RP1: variants seen among roughly 807,000 people sequenced by gnomAD.
RP1 encodes the protein oxygen-regulated protein 1.
A neutral mutation model predicts 14.8 loss-of-function variants in RP1; 16 were observed. That is an observed-to-expected ratio of 1.08 (90% CI 0.73 to 1.65). RP1 has a LOEUF of 1.65. Among genes scored for constraint, RP1 ranks in the 40% most tolerant of loss-of-function variants. The probability of loss-of-function intolerance (pLI) is 0.00; values close to 1 mark genes in which losing one functional copy is unlikely to be tolerated. For missense variants in RP1, 2,631 were observed against 2,535.0 expected, an observed-to-expected ratio of 1.04 and a Z score of -0.81; for synonymous variants, 876 against 883.6, an observed-to-expected ratio of 0.99 and a Z score of 0.15.
upstream of RP1, among the ~76,000 whole-genome samples, chr8:54,612,620 CCTTGGAAGTGTGAGATCATTA>C (rs1805624529): frequency 6.6e-6 from 1 of 152,180 alleles, no homozygotes; most frequent in South Asian, 2.1e-4. Flanking sequence ...TCAAAGTAAT[CCTTGGAAGTGTGAGATCATTA>C]CTTCTCTTCT....
intron 25 of RP1, among the ~76,000 whole-genome samples, chr8:54,846,733 C>T (rs569147750): frequency 2.0e-5 from 3 of 152,098 alleles, no homozygotes; most frequent in Non-Finnish European, 2.9e-5. Flanking sequence ...ATACTCCATA[C>T]GGATACCTTA....
chr8:54,606,353 G>A (rs1805442176), intron 1 of RP1, among the ~76,000 whole-genome samples: 1 of 151,874 alleles, frequency 6.6e-6, no homozygotes, highest in African/African-American at 2.4e-5. Context: ...TTTTCTTTAA[G>A]AATGTTGAAT....
chr8:54,795,006 T>C (rs1054219804), intron 24 of RP1, among the ~76,000 whole-genome samples: 3 of 151,946 alleles, frequency 2.0e-5, no homozygotes, highest in Admixed American at 6.6e-5. Flanking sequence ...ACATAACTAA[T>C]CATCAAGGAA....
chr8:54,561,843 C>T (rs1234612094), intron 1 of RP1: 2 of 152,004 alleles, frequency 1.3e-5, no homozygotes, highest in East Asian at 3.8e-4. Flanking sequence ...ATTATATATC[C>T]TGATAATATA....
chr8:54,700,436 C>T (rs774656830), intron 13 of RP1, among the ~76,000 whole-genome samples: 4 of 151,940 alleles, frequency 2.6e-5, no homozygotes, highest in Non-Finnish European at 5.9e-5. Flanking sequence ...TATTTGTATG[C>T]CTGAAATTCT....
intron 3 of RP1, among the ~76,000 whole-genome samples, chr8:54,644,163 C>T (rs1429934329): frequency 6.6e-6 from 1 of 152,074 alleles, no homozygotes; most frequent in Non-Finnish European, 1.5e-5. Context: ...ATGGGACAGG[C>T]ATAGGATAAG....
At chr8:54,837,875 C>T (rs1811700268) in intron 25 of RP1, among the ~76,000 whole-genome samples, 1 of 152,162 alleles carries the variant, frequency 6.6e-6, no homozygotes, top group African/African-American at 2.4e-5. Context: ...AATGATGTGG[C>T]TGTGTGCCAA....
rs200131405 is a variant in RP1 at position 54,589,322 on chromosome 8, A to AT, written c.-13+30010dup. Among the ~76,000 whole-genome samples, 860 of 152,030 alleles carry AT rather than the reference A, an allele frequency of 5.7e-3. 10 individuals carry two copies. The highest frequency in any genetic ancestry group is 0.02 in the African/African-American group (823 of 41,474). ...ATCCTGAATTTGGAAATTTTGGATA[A>AT]TTTTTTTTGGGGGAGAGGGTAAAGC... On this transcript the variant is annotated intron_variant, in intron 1 of 22. Transcript: ENST00000636932.
intron 24 of RP1, among the ~76,000 whole-genome samples, chr8:54,792,475 T>G (rs1160515297): frequency 6.6e-6 from 1 of 151,908 alleles, no homozygotes; most frequent in Non-Finnish European, 1.5e-5. Flanking sequence ...CAAGTCTTAA[T>G]AAATTCAAGA....
At chr8:54,646,027 C>A (rs1470624989) in intron 3 of RP1, among the ~76,000 whole-genome samples, 1 of 152,058 alleles carries the variant, frequency 6.6e-6, no homozygotes, top group Non-Finnish European at 1.5e-5. Flanking sequence ...ACCCCTTCAA[C>A]TCACTCTTTT....
chr8:54,766,724 G>A (rs996523581), intron 22 of RP1, among the ~76,000 whole-genome samples: 4 of 152,088 alleles, frequency 2.6e-5, no homozygotes, highest in South Asian at 2.1e-4. Context: ...ACCCCAACAC[G>A]TTCCACAATT....
rs1350849334 is a variant in RP1 at position 54,625,651 on chromosome 8, C to T, written c.1769C>T (p.Thr590Ile). The T allele has an allele frequency of 6.2e-7, 1 of 1,614,078 alleles. No individual in the cohort carries two copies. Among genetic ancestry groups the T allele is most frequent in the South Asian group, 1.1e-5 (1 of 91,080 alleles). Reference protein sequence around the residue: ...VVDCVVLDNKTGIKNFKTYGN... With the variant: ...VVDCVVLDNKIGIKNFKTYGN... ...GATTGTGTGGTATTGGACAACAAAA[C>T]TGGTATCAAGAACTTCAAAACTTAT... is the stretch of plus-strand genomic sequence containing the variant. The change falls in exon 4 of 4, where the codon ACT becomes ATT. Residue 590 changes from threonine (T) to isoleucine (I), a missense_variant. Thr to Ile is a moderately conservative substitution (Grantham distance 89). Coordinates refer to ENST00000220676, the MANE Select transcript of RP1 (RefSeq NM_006269.2).
chr8:54,579,043 T>G (rs1804722529), intron 1 of RP1, among the ~76,000 whole-genome samples: 1 of 152,212 alleles, frequency 6.6e-6, no homozygotes, highest in South Asian at 2.1e-4. Context: ...TTCCAATGCT[T>G]CACTTGTAAG....
intron 24 of RP1, among the ~76,000 whole-genome samples, chr8:54,807,892 C>G (rs1327728520): frequency 6.6e-6 from 1 of 151,922 alleles, no homozygotes; most frequent in East Asian, 1.9e-4. Flanking sequence ...TCTATTGAGG[C>G]CTTTAACAGA....
At chr8:54,722,315 G>C (rs1808556324) in intron 16 of RP1, among the ~76,000 whole-genome samples, 1 of 149,740 alleles carries the variant, frequency 6.7e-6, no homozygotes, top group South Asian at 2.1e-4. Context: ...TCTGTCCCCA[G>C]GCTGGAGTGC....
At chr8:54,570,576 C>T (rs1409806027) in intron 1 of RP1, among the ~76,000 whole-genome samples, 1 of 152,010 alleles carries the variant, frequency 6.6e-6, no homozygotes, top group East Asian at 1.9e-4. Flanking sequence ...GATCTGCCCA[C>T]CTTGGCCTCC....
chr8:54,853,937 AAAGG>A (rs1042942194), intron 26 of RP1, among the ~76,000 whole-genome samples: 31 of 151,054 alleles, frequency 2.1e-4, no homozygotes, highest in South Asian at 4.2e-4. Context: ...AGAGAGAGAG[AAAGG>A]AAGGAAGGAA....
At chr8:54,582,797 CTCTG>C (rs1804827646) in intron 1 of RP1, among the ~76,000 whole-genome samples, 2 of 151,946 alleles carry the variant, frequency 1.3e-5, no homozygotes, top group East Asian at 1.9e-4. Context: ...TGACTTGGCT[CTCTG>C]TCTGTTATTG....
intron 19 of RP1, among the ~76,000 whole-genome samples, chr8:54,744,251 G>C (rs1179266582): frequency 2.0e-5 from 3 of 152,160 alleles, no homozygotes; most frequent in Non-Finnish European, 4.4e-5. Context: ...AAGATTGCAT[G>C]TGGAGGAAGT....
Sources: allele counts gnomAD v4.1 joint callset (sites outside exome capture counted in the v4.1 genomes callset), GRCh38; gene constraint gnomAD v4.1.1; transcripts MANE v1.5; gene names NCBI Gene and HGNC (gene_info 2026-07-23, HGNC 2026-07-21).